NCKAP5: variants seen among roughly 807,000 people sequenced by gnomAD.
The protein encoded by NCKAP5 is nck-associated protein 5.
In NCKAP5, 92 loss-of-function variants were observed where a neutral mutation model predicts 167.0. The observed-to-expected ratio is 0.55, with a 90% CI of 0.47 to 0.66. NCKAP5 has a LOEUF of 0.66. NCKAP5 is among the 30% of genes least tolerant of loss of function. The pLI, the probability that NCKAP5 is intolerant of heterozygous loss-of-function variation, is 0.00. For missense variants in NCKAP5, 2,378 were observed against 2,315.0 expected, an observed-to-expected ratio of 1.03 and a Z score of -0.56; for synonymous variants, 891 against 877.4, an observed-to-expected ratio of 1.02 and a Z score of -0.27.
chr2:133,160,931 G>A (rs759005480), intron 5 of NCKAP5, among the ~76,000 whole-genome samples: 1 of 151,972 alleles, frequency 6.6e-6, no homozygotes, highest in Non-Finnish European at 1.5e-5. Context: ...TCTGTGACAG[G>A]TGTCCCCAGC....
At chr2:132,709,136 A>G (rs1425005872) in intron 19 of NCKAP5, among the ~76,000 whole-genome samples, 1 of 151,946 alleles carries the variant, frequency 6.6e-6, no homozygotes, top group African/African-American at 2.4e-5. Context: ...TGAACATATC[A>G]TAATATCTAC....
the NCKAP5 span, among the ~76,000 whole-genome samples, chr2:133,619,229 G>C: frequency 6.8e-6 from 1 of 148,062 alleles, no homozygotes; most frequent in Middle Eastern, 3.4e-3. Context: ...TGGGTGCAGC[G>C]CACCAGCATG....
At chr2:132,917,467 A>G (rs1383825774) in intron 8 of NCKAP5, among the ~76,000 whole-genome samples, 5 of 152,110 alleles carry the variant, frequency 3.3e-5, no homozygotes, top group Non-Finnish European at 7.4e-5. Context: ...CCTTTAATCT[A>G]TTGGGTTGGT....
intron 8 of NCKAP5, among the ~76,000 whole-genome samples, chr2:132,962,936 A>G (rs903161262): frequency 6.6e-6 from 1 of 152,116 alleles, no homozygotes. Flanking sequence ...AGGATTCTGT[A>G]GACTCTATGG....
intron 3 of NCKAP5, among the ~76,000 whole-genome samples, chr2:133,369,379 G>A (rs772666168): frequency 2.0e-5 from 3 of 152,210 alleles, no homozygotes; most frequent in Non-Finnish European, 4.4e-5. Context: ...TGGAATGGAT[G>A]TCTCTGAAAA....
At chr2:132,981,836 T>C (rs1445443255) in intron 7 of NCKAP5, among the ~76,000 whole-genome samples, 6 of 152,216 alleles carry the variant, frequency 3.9e-5, no homozygotes, top group East Asian at 1.9e-4. Context: ...TTTGGAATGA[T>C]GCTTTATGGA....
intron 6 of NCKAP5, among the ~76,000 whole-genome samples, chr2:133,073,148 A>G (rs1426317265): frequency 6.6e-6 from 1 of 152,218 alleles, no homozygotes; most frequent in Non-Finnish European, 1.5e-5. Flanking sequence ...AACAGACACA[A>G]ACAGAAAATC....
chr2:133,084,306 A>C (rs1025273636), intron 6 of NCKAP5, among the ~76,000 whole-genome samples: 5 of 152,204 alleles, frequency 3.3e-5, no homozygotes, highest in Admixed American at 2.0e-4. Context: ...TGCCATCATC[A>C]TTTAGTGTAA....
chr2:133,662,971 A>T, the NCKAP5 span, among the ~76,000 whole-genome samples: 8 of 151,792 alleles, frequency 5.3e-5, no homozygotes, highest in Non-Finnish European at 1.2e-4. Context: ...TTTGTTGCTT[A>T]AAAAAAATGC....
chr2:133,047,132 A>T (rs1475549650), intron 6 of NCKAP5, among the ~76,000 whole-genome samples: 1 of 152,326 alleles, frequency 6.6e-6, no homozygotes, highest in East Asian at 1.9e-4. Context: ...GATGATTGCA[A>T]ACTGTACACT....
chr2:133,110,856 G>A (rs1574060675), intron 6 of NCKAP5, among the ~76,000 whole-genome samples: 1 of 152,274 alleles, frequency 6.6e-6, no homozygotes, highest in African/African-American at 2.4e-5. Flanking sequence ...GAGGCTGGAT[G>A]CCCAAGAGCA....
At chr2:133,198,142 A>G (rs754404168) in intron 5 of NCKAP5, among the ~76,000 whole-genome samples, 5 of 152,190 alleles carry the variant, frequency 3.3e-5, no homozygotes, top group Admixed American at 6.5e-5. Flanking sequence ...GCATTATCCA[A>G]TATGTTCAAA....
rs1684022441 is a variant in NCKAP5, at chr2:133,516,602, G to A, written c.69+856C>T. Reference sequence around the variant, plus strand: ...CCGTGACAGAGCAAGACCTACAGCTGCAAAGTTTGAAAGGTATAACGGATA... The same window carrying A: ...CCGTGACAGAGCAAGACCTACAGCTACAAAGTTTGAAAGGTATAACGGATA... On this transcript the variant is annotated intron_variant, in intron 3 of 19. Transcript: ENST00000409261. Among the ~76,000 whole-genome samples the A allele has an allele frequency of 1.3e-5, 2 of 152,232 alleles. 1 individual carries two copies. The highest frequency in any genetic ancestry group is 4.1e-4 in the South Asian group (2 of 4,828).
At chr2:133,266,963 C>CG (rs1239538740) in intron 4 of NCKAP5, among the ~76,000 whole-genome samples, 1 of 152,100 alleles carries the variant, frequency 6.6e-6, no homozygotes, top group Non-Finnish European at 1.5e-5. Context: ...TCCCCTCCGC[C>CG]GGGCCCCCCC....
upstream of NCKAP5, among the ~76,000 whole-genome samples, chr2:133,571,002 T>C (rs1688845419): frequency 6.6e-6 from 1 of 151,836 alleles, no homozygotes; most frequent in Non-Finnish European, 1.5e-5. Flanking sequence ...CCTATGTTTT[T>C]CTTTAGGGGG....
the NCKAP5 span, among the ~76,000 whole-genome samples, chr2:133,624,622 T>C: frequency 6.7e-4 from 102 of 152,324 alleles, 1 homozygote; most frequent in African/African-American, 2.4e-3. Flanking sequence ...GCAATAATTA[T>C]AACGTAATTG....
intron 6 of NCKAP5, among the ~76,000 whole-genome samples, chr2:133,114,758 C>T (rs56737980): frequency 0.029 from 4,440 of 152,148 alleles, 206 homozygotes; most frequent in African/African-American, 0.1. Flanking sequence ...TTGGATTTTG[C>T]AGAACCTAGT....
chr2:133,033,778 C>T (rs1474126254), intron 6 of NCKAP5, among the ~76,000 whole-genome samples: 3 of 151,656 alleles, frequency 2.0e-5, no homozygotes, highest in Non-Finnish European at 4.4e-5. Context: ...GAAGAAAGAA[C>T]TAGTGAGCCT....
chr2:132,847,714 A>G (rs1372341092), intron 11 of NCKAP5, among the ~76,000 whole-genome samples: 2 of 152,212 alleles, frequency 1.3e-5, no homozygotes, highest in African/African-American at 4.8e-5. Context: ...ATCAAAAGTC[A>G]TTGTGGAAGA....
Sources: allele counts gnomAD v4.1 joint callset (sites outside exome capture counted in the v4.1 genomes callset), GRCh38; gene constraint gnomAD v4.1.1; transcripts MANE v1.5; gene names NCBI Gene and HGNC (gene_info 2026-07-23, HGNC 2026-07-21).